CFH: variants seen among roughly 807,000 people sequenced by gnomAD.
The protein encoded by CFH is H factor 1 (complement).
Under a neutral mutation model 147.3 loss-of-function variants are expected in CFH, and 53 were observed. The ratio of observed to expected loss-of-function variants is 0.36; its 90% confidence interval spans 0.29 to 0.45. CFH has a LOEUF of 0.45. CFH is among the 20% of genes least tolerant of loss of function. The probability of loss-of-function intolerance (pLI) is 1.00; values close to 1 mark genes in which losing one functional copy is unlikely to be tolerated. For synonymous variants in CFH, 536 were observed against 489.4 expected, an observed-to-expected ratio of 1.10 and a Z score of -1.26; for missense variants, 1,380 against 1,498.0, an observed-to-expected ratio of 0.92 and a Z score of 1.30.
chr1:196,720,843 A>G (rs1169879643), intron 11 of CFH, among the ~76,000 whole-genome samples: 1 of 151,892 alleles, frequency 6.6e-6, no homozygotes, highest in African/African-American at 2.4e-5. Flanking sequence ...GCTGGGTGAA[A>G]TGGTAGTTCT....
chr1:196,725,801 A>G lies in CFH; in HGVS notation c.1873+504A>G, dbSNP rs550053203. 3.3e-5 allele frequency among the ~76,000 whole-genome samples: 5 copies of G among 152,008 alleles called. No homozygotes were observed. The East Asian group carries it at 9.7e-4, about 29-fold the overall frequency. ...TCTTCCAGGAGCTAATAGAGTGAGA[A>G]CTCACCCTGAGAGGGGGCATTCATC... is the stretch of plus-strand genomic sequence containing the variant. On this transcript the variant is annotated intron_variant, in intron 12 of 21. Transcript: ENST00000367429.
intron 9 of CFH, 105 bp downstream of exon 9, chr1:196,690,344 C>A: frequency 3.3e-6 from 5 of 1,504,240 alleles, no homozygotes; most frequent in Non-Finnish European, 3.7e-6. Flanking sequence ...GTTTATGTCA[C>A]CTTGTTTTAC....
Position 196,697,420 on chromosome 1 carries a change from G to C in CFH, c.1336+7181G>C, listed in dbSNP as rs1267032917. ...ACATGAAAAAATGCTCAGCATCACT[G>C]GTCATTAGAGAAATGCAAATCAAAA... On this transcript the variant is annotated intron_variant, in intron 9 of 21. Transcript: ENST00000367429. Among the ~76,000 whole-genome samples, 4 of 152,252 alleles carry C rather than the reference G, an allele frequency of 2.6e-5. No homozygotes were observed. The South Asian group carries it at 6.2e-4, about 24-fold the overall frequency.
At chr1:196,696,689 A>G (rs968968361) in intron 9 of CFH, among the ~76,000 whole-genome samples, 1 of 152,176 alleles carries the variant, frequency 6.6e-6, no homozygotes, top group Non-Finnish European at 1.5e-5. Flanking sequence ...AAGAGCCCGC[A>G]TTGCCAAGTC....
At chr1:196,727,766 G>T (rs1669182272) in intron 14 of CFH, among the ~76,000 whole-genome samples, 1 of 152,062 alleles carries the variant, frequency 6.6e-6, no homozygotes, top group Non-Finnish European at 1.5e-5. Flanking sequence ...AGGGTTGGTG[G>T]GCCACAGGCC....
intron 10 of CFH, among the ~76,000 whole-genome samples, chr1:196,714,668 T>TATAGAGAG (rs1362376856): frequency 7.5e-4 from 16 of 21,312 alleles, no homozygotes; most frequent in Admixed American, 7.9e-4. Flanking sequence ...TATATATATA[T>TATAGAGAG]AGAGAGAGAG....
intron 1 of CFH, among the ~76,000 whole-genome samples, chr1:196,662,192 T>G (rs1666933462): frequency 6.6e-6 from 1 of 152,224 alleles, no homozygotes; most frequent in Non-Finnish European, 1.5e-5. Context: ...AACATTTAGA[T>G]TAGTTTGACT....
chr1:196,741,381 G>T, intron 18 of CFH: 1 of 179,536 alleles, frequency 5.6e-6, no homozygotes, highest in Non-Finnish European at 1.2e-5. Context: ...GGTGGCAGGA[G>T]AGAGAGGAGT....
At chr1:196,667,182 A>G (rs184729607) in intron 1 of CFH, among the ~76,000 whole-genome samples, 50 of 152,328 alleles carry the variant, frequency 3.3e-4, no homozygotes, top group African/African-American at 1.1e-3. Flanking sequence ...ATGCTGGTAA[A>G]TGTAAAACAA....
In CFH at chr1:196,740,779, T is replaced by C. The variant is rs527724777; in HGVS notation, c.2943T>C (p.Pro981=). 6.2e-7 allele frequency: 1 copy of C among 1,613,994 alleles called. No individual in the cohort carries two copies. The highest frequency in any genetic ancestry group is 1.3e-5 in the African/African-American group (1 of 75,044). Reference sequence around the variant, plus strand: ...GCTTAGGAGAAAAATGGTCTCACCCTCCATCATGCATAAGTATGGTGCATT... The same window carrying C: ...GCTTAGGAGAAAAATGGTCTCACCCCCCATCATGCATAAGTATGGTGCATT... ...AKCLGEKWSH[P]PSCIKTDCLS... The change falls in exon 18 of 22, where the codon CCT becomes CCC. Residue 981 remains proline (P), a synonymous_variant. Transcript: ENST00000367429.
At chr1:196,734,568 C>G (rs1237251206) in intron 15 of CFH, among the ~76,000 whole-genome samples, 1 of 151,930 alleles carries the variant, frequency 6.6e-6, no homozygotes, top group South Asian at 2.1e-4. Flanking sequence ...TCTCTGTTTA[C>G]TTTAGGGGGT....
chr1:196,729,348 T>A (rs1669227677), intron 15 of CFH, among the ~76,000 whole-genome samples: 1 of 152,104 alleles, frequency 6.6e-6, no homozygotes. Flanking sequence ...TTTATTAAAA[T>A]GATCGTATAG....
chr1:196,743,087 C>A (rs1652868388), intron 19 of CFH, among the ~76,000 whole-genome samples: 1 of 152,186 alleles, frequency 6.6e-6, no homozygotes, highest in African/African-American at 2.4e-5. Context: ...TTTATGCTGA[C>A]TTTTTGCATT....
intron 9 of CFH, among the ~76,000 whole-genome samples, chr1:196,703,971 C>G (rs1414699040): frequency 1.2e-5 from 1 of 85,434 alleles, no homozygotes; most frequent in Non-Finnish European, 2.0e-5. Context: ...GGGGACAGAG[C>G]AAGACTCTGT....
chr1:196,689,354 A>C (rs1362175836), intron 7 of CFH, 66 bp from the exon 8 acceptor site: 3 of 1,391,120 alleles, frequency 2.2e-6, no homozygotes, highest in African/African-American at 2.9e-5. Context: ...ATAAAAATTT[A>C]TCTCTAATAT....
intron 1 of CFH, among the ~76,000 whole-genome samples, chr1:196,660,701 A>G (rs1025761994): frequency 6.6e-5 from 10 of 152,338 alleles, no homozygotes; most frequent in Admixed American, 6.5e-4. Context: ...ATTTGAAGAG[A>G]AAAGGTAATC....
intron 5 of CFH, chr1:196,678,607 A>G (rs965791892): frequency 2.6e-5 from 4 of 152,090 alleles, no homozygotes; most frequent in African/African-American, 9.7e-5. Flanking sequence ...TATGTACTTT[A>G]GAAGTACATG....
At chr1:196,694,095 G>A (rs1455315147) in intron 9 of CFH, among the ~76,000 whole-genome samples, 1 of 151,382 alleles carries the variant, frequency 6.6e-6, no homozygotes, top group Non-Finnish European at 1.5e-5. Context: ...CCATCAACCC[G>A]TCATCTAGGT....
In CFH at chr1:196,728,452, T is replaced by C. The variant is rs1457572462; in HGVS notation, c.2343T>C (p.Cys781=). 6.2e-7 allele frequency: 1 copy of C among 1,612,620 alleles called. No individual in the cohort carries two copies. Among genetic ancestry groups the C allele is most frequent in the Non-Finnish European group, 8.5e-7 (1 of 1,179,078 alleles). ...FDHNSNIRYR[C]RGKEGWIHTV... is the part of the protein sequence containing the mutation. ...ATAATTCTAACATAAGGTACAGATG[T>C]AGAGGAAAAGAAGGATGGATACACA... is the stretch of plus-strand genomic sequence containing the variant. Residue 781 remains cysteine (C), a synonymous_variant, in exon 15 of 22, where the codon TGT becomes TGC. Transcript: ENST00000367429.
Sources: allele counts gnomAD v4.1 joint callset (sites outside exome capture counted in the v4.1 genomes callset), GRCh38; gene constraint gnomAD v4.1.1; transcripts MANE v1.5; gene names NCBI Gene and HGNC (gene_info 2026-07-23, HGNC 2026-07-21).